PADI3: variants seen among roughly 807,000 people sequenced by gnomAD.
PADI3 encodes peptidyl arginine deiminase 3.
Under a neutral mutation model 71.5 loss-of-function variants are expected in PADI3, and 53 were observed. The observed-to-expected ratio is 0.74, with a 90% CI of 0.59 to 0.93. The LOEUF (loss-of-function observed/expected upper bound fraction) is 0.93. PADI3 is among the 40% of genes least tolerant of loss of function. PADI3 has a pLI of 0.00. For synonymous variants in PADI3, 361 were observed against 347.5 expected, an observed-to-expected ratio of 1.04 and a Z score of -0.43; for missense variants, 821 against 868.0, an observed-to-expected ratio of 0.95 and a Z score of 0.68.
At chr1:17,254,479 T>A (rs577602138) in intron 1 of PADI3, among the ~76,000 whole-genome samples, 1 of 152,326 alleles carries the variant, frequency 6.6e-6, no homozygotes, top group Admixed American at 6.5e-5. Context: ...GAGCTGGCCA[T>A]GAGTCCTGGC....
intron 1 of PADI3, among the ~76,000 whole-genome samples, chr1:17,256,859 C>G (rs1027873223): frequency 3.3e-5 from 5 of 151,972 alleles, no homozygotes; most frequent in African/African-American, 1.2e-4. Flanking sequence ...ATGGTGAAAC[C>G]CTGTTTCTAC....
rs2100609653 is a variant in PADI3, at chr1:17,283,178, A to G, written c.*99A>G. ...TGAACGATAAGCACCAAGAGACCCC[A>G]AGGCTCCAGATGGAACACTGAGGGT... On this transcript the variant is annotated 3_prime_UTR_variant, in exon 16 of 16. Coordinates refer to ENST00000375460, the MANE Select transcript of PADI3 (RefSeq NM_016233.2). 1.6e-5 allele frequency: 14 copies of G among 897,810 alleles called. No homozygotes were observed. The highest frequency in any genetic ancestry group is 2.5e-5 in the Non-Finnish European group (14 of 569,864). The allele number at this position is 897,810 out of a possible 1,614,324, so 55.6% of individuals were successfully genotyped here.
intron 6 of PADI3, 51 bp from the exon 7 acceptor site, chr1:17,270,182 T>C: frequency 6.4e-7 from 1 of 1,557,874 alleles, no homozygotes; most frequent in East Asian, 2.3e-5. Context: ...CTCATACTCA[T>C]GCTCCCTGGG....
intron 13 of PADI3, among the ~76,000 whole-genome samples, chr1:17,278,879 T>C (rs1048629614): frequency 6.6e-6 from 1 of 152,192 alleles, no homozygotes; most frequent in Non-Finnish European, 1.5e-5. Flanking sequence ...CCTTGCTCTC[T>C]GTTTGCTAGC....
chr1:17,265,832 C>T lies in PADI3; in HGVS notation c.408+112C>T, dbSNP rs532951820. On this transcript the variant is annotated intron_variant, in intron 4 of 15. Coordinates refer to ENST00000375460, the MANE Select transcript of PADI3 (RefSeq NM_016233.2). ...TATCCCCCTGCCTCCCAGCTGATGC[C>T]GAGACCAAGGGCCAAAAACAGAAAC... 15 of 921,082 alleles carry T rather than the reference C, an allele frequency of 1.6e-5. 1 individual carries two copies. The highest frequency in any genetic ancestry group is 2.9e-5 in the South Asian group (2 of 70,114). 57.1% of individuals were successfully genotyped at this position (921,082 alleles called of 1,614,324 possible). A position where few individuals can be genotyped will look rare whatever the true frequency, so the allele number is the denominator to read the frequency against.
chr1:17,253,682 A>T (rs972901872), intron 1 of PADI3, among the ~76,000 whole-genome samples: 2 of 152,186 alleles, frequency 1.3e-5, no homozygotes, highest in Non-Finnish European at 2.9e-5. Context: ...GGTTTTCAGG[A>T]TCCGCTGGGG....
In PADI3 at chr1:17,262,191, A is replaced by G. The variant is rs2073110932; in HGVS notation, c.332A>G (p.Tyr111Cys). 2 of 1,610,100 alleles carry G rather than the reference A, an allele frequency of 1.2e-6. No individual in the cohort carries two copies. The highest frequency in any genetic ancestry group is 1.7e-6 in the Non-Finnish European group (2 of 1,178,910). ...EPLPLAYAVL[Y>C]LTCVDISLDC... Reference sequence around the variant, plus strand: ...CTGCCCCTGGCCTATGCGGTGCTCTACCTCACCTGTGTTGGTAAGTTGGGG... The same window carrying G: ...CTGCCCCTGGCCTATGCGGTGCTCTGCCTCACCTGTGTTGGTAAGTTGGGG... The change falls in exon 3 of 16, where the codon TAC becomes TGC. Residue 111 changes from tyrosine to cysteine, a missense_variant. Transcript: ENST00000375460.
chr1:17,262,094 G>A, intron 2 of PADI3, 39 bp from the exon 3 acceptor site: 1 of 1,589,794 alleles, frequency 6.3e-7, no homozygotes, highest in Non-Finnish European at 8.6e-7. Flanking sequence ...GGGAGCTCTT[G>A]GCTTCTGCTG....
intron 1 of PADI3, among the ~76,000 whole-genome samples, chr1:17,257,138 C>A (rs1425510921): frequency 6.6e-6 from 1 of 151,570 alleles, no homozygotes; most frequent in Admixed American, 6.6e-5. Context: ...GGCTGCTCTT[C>A]CTACCTGGGT....
At chr1:17,253,585 C>T (rs192413354) in intron 1 of PADI3, among the ~76,000 whole-genome samples, 99 of 152,308 alleles carry the variant, frequency 6.5e-4, no homozygotes, top group African/African-American at 2.3e-3. Context: ...GTGTTTCAAT[C>T]ACCTGGGGAT....
At chr1:17,269,122 C>A (rs2073211380) in intron 6 of PADI3, among the ~76,000 whole-genome samples, 1 of 151,792 alleles carries the variant, frequency 6.6e-6, no homozygotes. Flanking sequence ...TGGGCTCAAG[C>A]AATCCACCCG....
At chr1:17,278,331 G>A (rs907475013) in intron 13 of PADI3, among the ~76,000 whole-genome samples, 1 of 151,972 alleles carries the variant, frequency 6.6e-6, no homozygotes, top group Admixed American at 6.6e-5. Flanking sequence ...AGACTTAAGC[G>A]AGTCTCCCAC....
At chr1:17,274,327 ATGGAG>A (rs1388726962) in intron 10 of PADI3, among the ~76,000 whole-genome samples, 1 of 152,058 alleles carries the variant, frequency 6.6e-6, no homozygotes, top group East Asian at 1.9e-4. Context: ...AGGTAAGGGG[ATGGAG>A]TGGCCATGGC....
chr1:17,269,867 C>T (rs2073222653), intron 6 of PADI3, among the ~76,000 whole-genome samples: 1 of 152,148 alleles, frequency 6.6e-6, no homozygotes, highest in Admixed American at 6.5e-5. Context: ...GATCCACCGC[C>T]TTCGGTCTCC....
Position 17,267,943 on chromosome 1 carries a change from A to G in PADI3, c.633A>G (p.Ala211=), listed in dbSNP as rs908584893. 4 of 1,614,190 alleles carry G rather than the reference A, an allele frequency of 2.5e-6. No individual in the cohort carries two copies. The highest frequency in any genetic ancestry group is 3.4e-6 in the Non-Finnish European group (4 of 1,180,032). ...CCTCCAGCTATGATGCCAAACGGGCACAGGTCTTCCACATCTGCGGTGAGT... is the reference window on the plus strand; with the variant it reads ...CCTCCAGCTATGATGCCAAACGGGCGCAGGTCTTCCACATCTGCGGTGAGT... ...LHTSSYDAKR[A]QVFHICGPED... Residue 211 remains alanine (A), a synonymous_variant, in exon 6 of 16, where the codon GCA becomes GCG. Coordinates refer to ENST00000375460, the MANE Select transcript of PADI3 (RefSeq NM_016233.2).
intron 1 of PADI3, among the ~76,000 whole-genome samples, chr1:17,255,000 G>A (rs1397584357): frequency 6.6e-6 from 1 of 151,962 alleles, no homozygotes; most frequent in Non-Finnish European, 1.5e-5. Flanking sequence ...ATAGGCGTGA[G>A]CCACTGCGCC....
chr1:17,266,909 A>C, intron 5 of PADI3, 73 bp downstream of exon 5: 6 of 1,136,674 alleles, frequency 5.3e-6, no homozygotes, highest in Non-Finnish European at 8.0e-6. Context: ...GTTCCAACCC[A>C]CAGGCGAGAC....
At chr1:17,261,679 T>C (rs1438891385) in intron 2 of PADI3, among the ~76,000 whole-genome samples, 1 of 152,198 alleles carries the variant, frequency 6.6e-6, no homozygotes, top group African/African-American at 2.4e-5. Context: ...CTTTTCCCAT[T>C]TTGCAGAGGA....
At chr1:17,261,445 A>T (rs1557501509) in intron 2 of PADI3, among the ~76,000 whole-genome samples, 1 of 152,188 alleles carries the variant, frequency 6.6e-6, no homozygotes. Flanking sequence ...AAGATCAGTA[A>T]CTTTTCCTGG....
Sources: allele counts gnomAD v4.1 joint callset (sites outside exome capture counted in the v4.1 genomes callset), GRCh38; gene constraint gnomAD v4.1.1; transcripts MANE v1.5; gene names NCBI Gene and HGNC (gene_info 2026-07-23, HGNC 2026-07-21).